The following CDK8 variants were observed in gnomAD, a reference collection of about 807,000 sequenced individuals.
CDK8 encodes cyclin-dependent kinase 8.
CDK8 carries 29 observed loss-of-function variants against 71.5 expected under a neutral mutation model. The ratio of observed to expected loss-of-function variants is 0.41; its 90% CI spans 0.30 to 0.55. The LOEUF (loss-of-function observed/expected upper bound fraction) is 0.55. CDK8 is among the 20% of genes least tolerant of loss of function. The pLI is 0.37. For missense variants in CDK8, 288 were observed against 572.6 expected, an observed-to-expected ratio of 0.50 and a Z score of 5.07; for synonymous variants, 161 against 192.1, an observed-to-expected ratio of 0.84 and a Z score of 1.34.
At chr13:26,330,320 T>C (rs1344057066) in intron 1 of CDK8, among the ~76,000 whole-genome samples, 2 of 152,066 alleles carry the variant, frequency 1.3e-5, no homozygotes, top group Non-Finnish European at 2.9e-5. Flanking sequence ...ATCCTCCTGC[T>C]TCGGCCTCCC....
At chr13:26,264,073 C>G (rs1871915127) in intron 1 of CDK8, among the ~76,000 whole-genome samples, 1 of 152,154 alleles carries the variant, frequency 6.6e-6, no homozygotes, top group Admixed American at 6.5e-5. Context: ...AAATGAGTCT[C>G]CTAATGTTTT....
intron 1 of CDK8, among the ~76,000 whole-genome samples, chr13:26,255,478 C>T (rs1871481864): frequency 6.6e-6 from 1 of 152,148 alleles, no homozygotes; most frequent in African/African-American, 2.4e-5. Flanking sequence ...TAAATAATCC[C>T]TTTGCTTTAA....
chr13:26,392,314 A>C (rs1474808920), intron 6 of CDK8, among the ~76,000 whole-genome samples: 2 of 146,544 alleles, frequency 1.4e-5, no homozygotes, highest in African/African-American at 5.0e-5. Context: ...ATTCATTTGA[A>C]TTTATAACCC....
At chr13:26,305,360 T>A (rs1342414180) in intron 1 of CDK8, among the ~76,000 whole-genome samples, 4 of 152,214 alleles carry the variant, frequency 2.6e-5, no homozygotes, top group Non-Finnish European at 5.9e-5. Flanking sequence ...GGTGATGTAC[T>A]TTTTCTCCGG....
chr13:26,255,989 T>C (rs545193836), intron 1 of CDK8, among the ~76,000 whole-genome samples: 2 of 152,336 alleles, frequency 1.3e-5, no homozygotes, highest in East Asian at 1.9e-4. Context: ...TGGACATTTT[T>C]CTTAGATTTA....
intron 4 of CDK8, among the ~76,000 whole-genome samples, chr13:26,357,536 C>T (rs755670117): frequency 3.3e-5 from 5 of 152,172 alleles, no homozygotes; most frequent in Non-Finnish European, 7.3e-5. Context: ...TATTCTCTTT[C>T]TCTCCTTGGG....
intron 4 of CDK8, among the ~76,000 whole-genome samples, chr13:26,376,952 TTAG>T (rs1193788021): frequency 3.9e-5 from 6 of 152,172 alleles, no homozygotes; most frequent in Non-Finnish European, 5.9e-5. Flanking sequence ...AAAGGTAGGG[TTAG>T]TAGAATGGAT....
At chr13:26,283,320 A>G (rs1872844995) in intron 1 of CDK8, among the ~76,000 whole-genome samples, 2 of 152,338 alleles carry the variant, frequency 1.3e-5, no homozygotes, top group South Asian at 4.1e-4. Flanking sequence ...AATAAATGCA[A>G]CAAAATTGGC....
intron 6 of CDK8, among the ~76,000 whole-genome samples, chr13:26,387,460 A>G (rs1043854924): frequency 6.6e-6 from 1 of 152,196 alleles, no homozygotes; most frequent in South Asian, 2.1e-4. Context: ...TGCCTGGGGT[A>G]ACCTCTAAAT....
chr13:26,396,723 A>G (rs1158599828), intron 8 of CDK8, among the ~76,000 whole-genome samples: 1 of 152,162 alleles, frequency 6.6e-6, no homozygotes, highest in Non-Finnish European at 1.5e-5. Flanking sequence ...AGTAATTTTA[A>G]GCAGGTTTTA....
intron 2 of CDK8, among the ~76,000 whole-genome samples, chr13:26,340,364 A>G (rs1362886554): frequency 6.6e-6 from 1 of 152,176 alleles, no homozygotes; most frequent in Non-Finnish European, 1.5e-5. Context: ...TTAGAGATAC[A>G]TACTGAAATA....
intron 6 of CDK8, 51 bp downstream of exon 6, chr13:26,385,393 G>A (rs1243704415): frequency 7.0e-7 from 1 of 1,419,656 alleles, no homozygotes; most frequent in Non-Finnish European, 9.7e-7. Flanking sequence ...TTCTTTAAAA[G>A]ACACACATTC....
At chr13:26,312,043 C>CT (rs1245693580) in intron 1 of CDK8, among the ~76,000 whole-genome samples, 3 of 152,150 alleles carry the variant, frequency 2.0e-5, no homozygotes, top group Non-Finnish European at 4.4e-5. Flanking sequence ...GCTGGACTTC[C>CT]TGGGTCGAGT....
intron 1 of CDK8, among the ~76,000 whole-genome samples, chr13:26,264,969 A>G (rs949604561): frequency 6.6e-6 from 1 of 152,096 alleles, no homozygotes; most frequent in Non-Finnish European, 1.5e-5. Flanking sequence ...TTCTTTATCC[A>G]TTAATCTGCT....
intron 1 of CDK8, among the ~76,000 whole-genome samples, chr13:26,262,932 G>T (rs530244157): frequency 6.6e-6 from 1 of 152,284 alleles, no homozygotes; most frequent in East Asian, 1.9e-4. Context: ...TGTAATCCAT[G>T]AATTCTAACA....
chr13:26,338,458 T>A (rs1003491158), intron 2 of CDK8, among the ~76,000 whole-genome samples: 2 of 152,088 alleles, frequency 1.3e-5, no homozygotes, highest in Non-Finnish European at 2.9e-5. Context: ...GGAAAAAGAC[T>A]CATAAATCTA....
At chr13:26,371,816 C>T (rs1874703086) in intron 4 of CDK8, among the ~76,000 whole-genome samples, 1 of 152,076 alleles carries the variant, frequency 6.6e-6, no homozygotes, top group South Asian at 2.1e-4. Flanking sequence ...TGGGGTTTCA[C>T]CATGTTGGTC....
rs566007285 is a variant in CDK8 at position 26,271,390 on chromosome 13, C to G, written c.128+16621C>G. On this transcript the variant is annotated intron_variant, in intron 1 of 12. Transcript: ENST00000381527. ...TATATGGTGTAGCCTATTGCTTAGT[C>G]TACAAGCCTGTACAGTATGTTATTG... Among the ~76,000 whole-genome samples the G allele has an allele frequency of 9.0e-4, 137 of 152,286 alleles. 2 individuals are homozygous for G. Among genetic ancestry groups the G allele is most frequent in the African/African-American group, 3.2e-3 (132 of 41,534 alleles).
intron 6 of CDK8, among the ~76,000 whole-genome samples, chr13:26,386,396 G>C (rs901227821): frequency 1.3e-4 from 19 of 151,972 alleles, no homozygotes. Flanking sequence ...TCTTTATTTT[G>C]TGTCTTTATG....
Sources: gnomAD v4.1 joint callset for allele counts (sites outside exome capture counted in the v4.1 genomes callset) on GRCh38, gnomAD v4.1.1 for gene constraint, MANE v1.5 for transcripts, NCBI Gene and HGNC (gene_info 2026-07-23, HGNC 2026-07-21) for gene names.